The following TXNRD2 variants were observed in gnomAD, a reference collection of about 807,000 sequenced individuals.
The protein encoded by TXNRD2 is thioredoxin reductase 2, mitochondrial.
Under a neutral mutation model 70.8 loss-of-function variants are expected in TXNRD2, and 67 were observed. That is an observed-to-expected ratio of 0.95 (90% CI 0.78 to 1.16). TXNRD2 has a LOEUF of 1.16. Among genes scored for constraint, TXNRD2 ranks in the 50% most tolerant of loss-of-function variants. The pLI is 0.00. For missense variants in TXNRD2, 644 were observed against 719.9 expected, an observed-to-expected ratio of 0.89 and a Z score of 1.21; for synonymous variants, 301 against 295.8, an observed-to-expected ratio of 1.02 and a Z score of -0.18.
Position 19,881,196 on chromosome 22 carries a change from C to T in TXNRD2, c.1087-479G>A, listed in dbSNP as rs1601385441. On this transcript the variant is annotated intron_variant, in intron 12 of 17. Coordinates refer to ENST00000400521, the MANE Select transcript of TXNRD2 (RefSeq NM_006440.5). ...CATAACAAATTCCAAATCAGAATGT[C>T]GCTGTGCTGGAGATCCCTCCGTCCC... The T allele has an allele frequency of 9.9e-6, 4 of 405,586 alleles. No individual in the cohort carries two copies. The Admixed American group carries it at 1.2e-4, about 13-fold the overall frequency. 25.1% of individuals were successfully genotyped at this position (405,586 alleles called of 1,614,324 possible).
At chr22:19,911,957 G>T (rs970301551) in intron 7 of TXNRD2, among the ~76,000 whole-genome samples, 4 of 151,990 alleles carry the variant, frequency 2.6e-5, no homozygotes, top group African/African-American at 9.7e-5. Context: ...GCGCGGCAGG[G>T]GTGGCCTACA....
At chr22:19,878,526 G>C in intron 14 of TXNRD2, 89 bp from the exon 15 acceptor site, 1 of 1,185,916 alleles carries the variant, frequency 8.4e-7, no homozygotes, top group South Asian at 1.2e-5. Context: ...GGGCAAGGCA[G>C]GGTCATGGCG....
At chr22:19,912,444 G>A (rs867517067) in intron 7 of TXNRD2, among the ~76,000 whole-genome samples, 10 of 152,184 alleles carry the variant, frequency 6.6e-5, no homozygotes, top group African/African-American at 1.9e-4. Context: ...CCAAAGAGCC[G>A]TCAGCAGCTG....
chr22:19,917,830 G>A (rs980936317), intron 5 of TXNRD2, among the ~76,000 whole-genome samples: 2 of 152,168 alleles, frequency 1.3e-5, no homozygotes, highest in African/African-American at 2.4e-5. Context: ...CTATGTCCAC[G>A]CTCTCTGGCC....
In TXNRD2 at chr22:19,882,030, G is replaced by A. The variant is rs149098959; in HGVS notation, c.1086+1295C>T. 1.4e-4 allele frequency among the ~76,000 whole-genome samples: 21 copies of A among 152,128 alleles called. 1 individual carries two copies. The East Asian group carries it at 3.9e-3, about 28-fold the overall frequency. ...AAATGAAGTCATCCTGGATTAGGGT[G>A]GACCCTAAGTCCAATTGCAGAGAAA... is the stretch of plus-strand genomic sequence containing the variant. On this transcript the variant is annotated intron_variant, in intron 12 of 17. Coordinates refer to ENST00000400521, the MANE Select transcript of TXNRD2 (RefSeq NM_006440.5).
intron 7 of TXNRD2, among the ~76,000 whole-genome samples, chr22:19,914,741 G>A (rs1490970985): frequency 1.3e-5 from 2 of 152,144 alleles, no homozygotes; most frequent in Non-Finnish European, 2.9e-5. Context: ...TGGCCGCACA[G>A]CTCTGTGAAT....
intron 12 of TXNRD2, among the ~76,000 whole-genome samples, chr22:19,882,179 C>T (rs1341921276): frequency 6.6e-6 from 1 of 152,132 alleles, no homozygotes; most frequent in African/African-American, 2.4e-5. Context: ...CCAGAGGCTT[C>T]CGAGGGAGCC....
At chr22:19,913,643 T>C (rs1940510100) in intron 7 of TXNRD2, among the ~76,000 whole-genome samples, 1 of 152,154 alleles carries the variant, frequency 6.6e-6, no homozygotes, top group South Asian at 2.1e-4. Context: ...TGCTGGAGCT[T>C]TGAAAGGTTC....
chr22:19,916,101 G>C (rs963884412), intron 5 of TXNRD2: 5 of 460,996 alleles, frequency 1.1e-5, no homozygotes, highest in Non-Finnish European at 2.0e-5. Context: ...AGCTCAGCAC[G>C]GTCCTAAGAG....
chr22:19,932,022 A>G lies in TXNRD2; in HGVS notation c.104-924T>C, dbSNP rs550365970. 1.2e-3 allele frequency among the ~76,000 whole-genome samples: 178 copies of G among 151,748 alleles called. 1 individual carries two copies. Among genetic ancestry groups the G allele is most frequent in the African/African-American group, 4.0e-3 (165 of 41,398 alleles). ...AAAAATACAAAAAAATTAGCCGGGC[A>G]TGGTGGTGGGCGCCTGTAGTCCCAG... On this transcript the variant is annotated intron_variant, in intron 1 of 17. Coordinates refer to ENST00000400521, the MANE Select transcript of TXNRD2 (RefSeq NM_006440.5).
chr22:19,917,486 C>T (rs983589565), intron 5 of TXNRD2, among the ~76,000 whole-genome samples: 19 of 152,148 alleles, frequency 1.2e-4, no homozygotes, highest in Non-Finnish European at 2.5e-4. Flanking sequence ...GCAAATGGTG[C>T]ATGAGGAGAG....
At chr22:19,923,798 G>A (rs1046316330) in intron 2 of TXNRD2, among the ~76,000 whole-genome samples, 3 of 142,362 alleles carry the variant, frequency 2.1e-5, no homozygotes, top group African/African-American at 5.2e-5. Flanking sequence ...GTGAAACTAT[G>A]TCTCAAAAAA....
chr22:19,905,422 T>C (rs928140859), intron 8 of TXNRD2, among the ~76,000 whole-genome samples: 4 of 152,258 alleles, frequency 2.6e-5, no homozygotes, highest in South Asian at 2.1e-4. Context: ...CCGAGCCAGC[T>C]GCCCCCAGCA....
chr22:19,936,780 G>T (rs1569117435), intron 1 of TXNRD2, among the ~76,000 whole-genome samples: 1 of 152,000 alleles, frequency 6.6e-6, no homozygotes, highest in Non-Finnish European at 1.5e-5. Context: ...GTCAATCTCA[G>T]TTTCTCTTAT....
At chr22:19,906,606 A>T (rs997533747) in intron 8 of TXNRD2, among the ~76,000 whole-genome samples, 9 of 152,106 alleles carry the variant, frequency 5.9e-5, no homozygotes, top group African/African-American at 2.2e-4. Flanking sequence ...TGGGCGACAG[A>T]GCAAGACCCT....
At chr22:19,891,690 G>GCGCTGTAAT (rs1939269040) in intron 11 of TXNRD2, 1 of 152,236 alleles carries the variant, frequency 6.6e-6, no homozygotes, top group Non-Finnish European at 1.5e-5. Flanking sequence ...TCTTCACTCA[G>GCGCTGTAAT]CGCTGTAATC....
At chr22:19,936,954 C>T (rs555367638) in intron 1 of TXNRD2, among the ~76,000 whole-genome samples, 37 of 152,226 alleles carry the variant, frequency 2.4e-4, no homozygotes, top group African/African-American at 8.4e-4. Context: ...ACAAGTGTGT[C>T]GATATACGCC....
chr22:19,915,720 G>A (rs1374517288), intron 6 of TXNRD2, 45 bp downstream of exon 6: 4 of 1,579,984 alleles, frequency 2.5e-6, no homozygotes, highest in East Asian at 4.5e-5. Context: ...CCCAAGGTCT[G>A]CAGAAGGGTC....
chr22:19,890,074 C>G (rs1338165993), intron 11 of TXNRD2, among the ~76,000 whole-genome samples: 2 of 152,180 alleles, frequency 1.3e-5, no homozygotes, highest in African/African-American at 4.8e-5. Flanking sequence ...AAGCGTGGGG[C>G]ACCAGGCTGG....
Sources: allele counts gnomAD v4.1 joint callset (sites outside exome capture counted in the v4.1 genomes callset), GRCh38; gene constraint gnomAD v4.1.1; transcripts MANE v1.5; gene names NCBI Gene and HGNC (gene_info 2026-07-23, HGNC 2026-07-21).